KCNK1: variants seen among roughly 807,000 people sequenced by gnomAD.
KCNK1 encodes potassium two pore domain channel subfamily K member 1.
In KCNK1, 10 loss-of-function variants were observed where a neutral mutation model predicts 22.2. That is an observed-to-expected ratio of 0.45 (90% CI 0.28 to 0.76). The LOEUF (loss-of-function observed/expected upper bound fraction) is 0.76, where lower values mean the gene tolerates loss of function less well. KCNK1 is among the 30% of genes least tolerant of loss of function. KCNK1 has a pLI of 0.14. For synonymous variants in KCNK1, 200 were observed against 186.4 expected (o/e 1.07, Z -0.60); for missense variants, 378 against 421.0 (o/e 0.90, Z 0.89).
intron 1 of KCNK1, among the ~76,000 whole-genome samples, chr1:233,616,247 G>A (rs2102878978): frequency 6.6e-6 from 1 of 152,254 alleles, no homozygotes; most frequent in South Asian, 2.1e-4. Context: ...AGCGTGTGGT[G>A]TTTTCTTACT....
chr1:233,665,652 T>C (rs533700180), intron 1 of KCNK1, among the ~76,000 whole-genome samples: 1 of 146,846 alleles, frequency 6.8e-6, no homozygotes, highest in African/African-American at 2.5e-5. Flanking sequence ...AGGCAAGTGG[T>C]CCACAGGTTT....
intron 1 of KCNK1, among the ~76,000 whole-genome samples, chr1:233,623,027 C>T (rs781198269): frequency 3.9e-4 from 60 of 152,156 alleles, no homozygotes; most frequent in Admixed American, 1.6e-3. Context: ...CAGAGAGAGT[C>T]GGTGAAATCA....
intron 1 of KCNK1, among the ~76,000 whole-genome samples, chr1:233,664,065 C>T (rs1025266019): frequency 6.6e-6 from 1 of 152,018 alleles, no homozygotes; most frequent in Non-Finnish European, 1.5e-5. Flanking sequence ...CTCCTGACCT[C>T]GTGATCCGCC....
Position 233,616,471 on chromosome 1 carries a change from G to A in KCNK1, c.355+1945G>A, listed in dbSNP as rs141340814. Among the ~76,000 whole-genome samples the A allele has an allele frequency of 5.5e-3, 843 of 152,268 alleles. 12 individuals are homozygous for A. The highest frequency in any genetic ancestry group is 0.02 in the African/African-American group (811 of 41,558). ...AGTTTCTGTTTAAGAAAGGGGTGGG[G>A]TGGGAATAGACGTCTTATTATTGGT... On this transcript the variant is annotated intron_variant, in intron 1 of 2. Transcript: ENST00000366621.
At chr1:233,642,157 G>A (rs1162787432) in intron 1 of KCNK1, among the ~76,000 whole-genome samples, 1 of 152,124 alleles carries the variant, frequency 6.6e-6, no homozygotes, top group Non-Finnish European at 1.5e-5. Flanking sequence ...CCTGCTTTTG[G>A]GGAGTCATGT....
chr1:233,657,714 AAG>A (rs796568736), intron 1 of KCNK1, among the ~76,000 whole-genome samples: 3 of 151,620 alleles, frequency 2.0e-5, no homozygotes, highest in Admixed American at 6.6e-5. Context: ...TAAAGAAAGA[AAG>A]AGAGAGAGAG....
intron 1 of KCNK1, among the ~76,000 whole-genome samples, chr1:233,632,096 C>T (rs1040111522): frequency 1.3e-5 from 2 of 152,170 alleles, no homozygotes; most frequent in East Asian, 1.9e-4. Context: ...GAAAACATTG[C>T]GTTGTCTTCT....
intron 1 of KCNK1, among the ~76,000 whole-genome samples, chr1:233,662,093 A>T (rs1293929325): frequency 2.6e-5 from 4 of 152,310 alleles, no homozygotes; most frequent in Non-Finnish European, 1.5e-5. Flanking sequence ...CGGGAAAGAG[A>T]TAATTAATAA....
intron 1 of KCNK1, among the ~76,000 whole-genome samples, chr1:233,649,572 G>A (rs1388296719): frequency 6.6e-6 from 1 of 152,150 alleles, no homozygotes; most frequent in Non-Finnish European, 1.5e-5. Context: ...TCTGGAGGCT[G>A]GGAAGTCCAA....
intron 1 of KCNK1, among the ~76,000 whole-genome samples, chr1:233,638,683 A>C (rs113267935): frequency 0.011 from 1,685 of 152,310 alleles, 13 homozygotes; most frequent in African/African-American, 0.03. Context: ...GCACAGGTGC[A>C]GGGCTGTGGG....
chr1:233,633,402 C>T (rs1387751911), intron 1 of KCNK1, among the ~76,000 whole-genome samples: 1 of 151,952 alleles, frequency 6.6e-6, no homozygotes, highest in Non-Finnish European at 1.5e-5. Context: ...ACATAATGTC[C>T]TTGGGAAATG....
rs1658502028 is a variant in KCNK1 at position 233,666,974 on chromosome 1, T to C, written c.735T>C (p.Tyr245=). 1 of 1,611,390 alleles carries C rather than the reference T, an allele frequency of 6.2e-7. No individual in the cohort carries two copies. Among genetic ancestry groups the C allele is most frequent in the Admixed American group, 1.7e-5 (1 of 59,634 alleles). The change falls in exon 2 of 3, where the codon TAT becomes TAC. Residue 245 remains tyrosine (Y), a synonymous_variant. Transcript: ENST00000366621. ...ACAATCAAAAATTCAGAGAGCTCTA[T>C]AAGATTGGGATCACGTGTGAGTATT... ...EGYNQKFREL[Y]KIGITCYLLL... is the part of the protein sequence containing the mutation.
At chr1:233,626,446 C>T (rs990821364) in intron 1 of KCNK1, among the ~76,000 whole-genome samples, 26 of 151,990 alleles carry the variant, frequency 1.7e-4, no homozygotes, top group African/African-American at 6.3e-4. Context: ...CCTAATGGGG[C>T]GTGATGAGGG....
chr1:233,634,325 A>G (rs978375713), intron 1 of KCNK1, among the ~76,000 whole-genome samples: 58 of 152,164 alleles, frequency 3.8e-4, no homozygotes, highest in Admixed American at 5.9e-4. Context: ...CAACAAAAAA[A>G]AAAAAAAAGA....
chr1:233,665,807 C>T (rs766790863), intron 1 of KCNK1, among the ~76,000 whole-genome samples: 2 of 152,198 alleles, frequency 1.3e-5, no homozygotes, highest in South Asian at 2.1e-4. Context: ...AGTCCTCTGG[C>T]GAGGACTGAT....
In KCNK1 at chr1:233,614,159, G is replaced by GGCA; in HGVS notation, c.-11_-10insAGC. The GGCA allele has an allele frequency of 6.3e-7, 1 of 1,581,730 alleles. No homozygotes were observed. Among genetic ancestry groups the GGCA allele is most frequent in the Non-Finnish European group, 8.6e-7 (1 of 1,169,376 alleles). ...GGTCTGCGGCGTTGGCCTTGGCGGC[G>GGCA]GCGGTGGAGAAGATGCTGCAGTCCC... is the stretch of plus-strand genomic sequence containing the variant. On this transcript the variant is annotated 5_prime_UTR_variant, in exon 1 of 3. Coordinates refer to ENST00000366621, the MANE Select transcript of KCNK1 (RefSeq NM_002245.4).
rs191117348 is a variant in KCNK1, at chr1:233,646,110, T to C, written c.356-20485T>C. ...GACTTCTTTCATGGACGTATTGATT[T>C]TGAGATGCCTACGTCACATTCAAGG... On this transcript the variant is annotated intron_variant, in intron 1 of 2. Transcript: ENST00000366621. Among the ~76,000 whole-genome samples the C allele has an allele frequency of 3.4e-3, 523 of 152,252 alleles. 4 individuals are homozygous for C. The highest frequency in any genetic ancestry group is 0.012 in the African/African-American group (491 of 41,552).
At chr1:233,660,848 G>A (rs1195817647) in intron 1 of KCNK1, among the ~76,000 whole-genome samples, 3 of 152,112 alleles carry the variant, frequency 2.0e-5, no homozygotes, top group African/African-American at 7.2e-5. Context: ...AATAATGTTA[G>A]GACTTGAGTT....
chr1:233,659,019 T>C (rs1245715018), intron 1 of KCNK1, among the ~76,000 whole-genome samples: 1 of 151,974 alleles, frequency 6.6e-6, no homozygotes, highest in Non-Finnish European at 1.5e-5. Context: ...CTTTCTTTAA[T>C]TTATTATATT....
Sources: gnomAD v4.1 joint callset for allele counts (sites outside exome capture counted in the v4.1 genomes callset) on GRCh38, gnomAD v4.1.1 for gene constraint, MANE v1.5 for transcripts, NCBI Gene and HGNC (gene_info 2026-07-23, HGNC 2026-07-21) for gene names.